FRMD4B: variants seen among roughly 807,000 people sequenced by gnomAD.
FRMD4B encodes FERM domain-containing protein 4B.
FRMD4B carries 74 observed loss-of-function variants against 141.5 expected under a neutral mutation model. The ratio of observed to expected loss-of-function variants is 0.52; its 90% CI spans 0.43 to 0.63. The LOEUF (loss-of-function observed/expected upper bound fraction) is 0.63. Ranked by LOEUF, FRMD4B falls within the 30% of genes least tolerant of loss-of-function variation. FRMD4B has a pLI of 0.00. For synonymous variants in FRMD4B, 506 were observed against 467.9 expected (o/e 1.08, Z -1.05); for missense variants, 1,366 against 1,253.4 (o/e 1.09, Z -1.36).
At chr3:69,483,122 G>A (rs1431495741) in intron 1 of FRMD4B, among the ~76,000 whole-genome samples, 2 of 152,132 alleles carry the variant, frequency 1.3e-5, no homozygotes, top group South Asian at 2.1e-4. Context: ...TAAATTGAAA[G>A]AAAAATATCA....
intron 2 of FRMD4B, 26 bp downstream of exon 2, chr3:69,313,426 G>A (rs1452991780): frequency 6.6e-7 from 1 of 1,524,580 alleles, no homozygotes; most frequent in African/African-American, 1.4e-5. Flanking sequence ...ACTTATCTGG[G>A]CAACACACAT....
At chr3:69,531,666 A>G (rs1457473219) in intron 1 of FRMD4B, among the ~76,000 whole-genome samples, 1 of 152,210 alleles carries the variant, frequency 6.6e-6, no homozygotes, top group African/African-American at 2.4e-5. Flanking sequence ...TTGCTGACAA[A>G]CTGCCAATTT....
chr3:69,246,517 T>C (rs2093426864), intron 7 of FRMD4B, among the ~76,000 whole-genome samples: 2 of 152,176 alleles, frequency 1.3e-5, no homozygotes, highest in South Asian at 2.1e-4. Flanking sequence ...AACAAAACTT[T>C]GGAGGAAAAA....
intron 1 of FRMD4B, among the ~76,000 whole-genome samples, chr3:69,332,072 G>C (rs748291648): frequency 1.3e-5 from 2 of 152,198 alleles, no homozygotes; most frequent in African/African-American, 2.4e-5. Context: ...GGGCGACACA[G>C]CAAGACTCCA....
chr3:69,403,501 A>G (rs72939711), intron 2 of FRMD4B, among the ~76,000 whole-genome samples: 5,459 of 152,274 alleles, frequency 0.036, 332 homozygotes, highest in African/African-American at 0.12. Flanking sequence ...AGTAAGGAAG[A>G]AAGGAACCCT....
At chr3:69,292,997 T>C (rs1700922870) in intron 4 of FRMD4B, 1 of 454,362 alleles carries the variant, frequency 2.2e-6, no homozygotes, top group Non-Finnish European at 4.4e-6. Flanking sequence ...TGTAATTTCT[T>C]GAGAAGAGAA....
chr3:69,409,651 T>C (rs765380116), intron 2 of FRMD4B, among the ~76,000 whole-genome samples: 2 of 152,122 alleles, frequency 1.3e-5, no homozygotes, highest in East Asian at 1.9e-4. Flanking sequence ...CATAAACCAA[T>C]TGGCATGTGA....
intron 2 of FRMD4B, among the ~76,000 whole-genome samples, chr3:69,396,623 C>T (rs1415129883): frequency 6.6e-6 from 1 of 152,060 alleles, no homozygotes; most frequent in African/African-American, 2.4e-5. Context: ...TGAAGAAATG[C>T]AAATCAAAAC....
At chr3:69,213,369 T>TAAAA (rs10717974) in intron 11 of FRMD4B, among the ~76,000 whole-genome samples, 2 of 124,618 alleles carry the variant, frequency 1.6e-5, no homozygotes, top group Non-Finnish European at 3.4e-5. Flanking sequence ...TTACTCTGGG[T>TAAAA]AAAAAAAAAA....
At chr3:69,287,110 C>T (rs764347657) in intron 5 of FRMD4B, among the ~76,000 whole-genome samples, 7 of 152,124 alleles carry the variant, frequency 4.6e-5, no homozygotes, top group Non-Finnish European at 8.8e-5. Flanking sequence ...GCCGTAAAAA[C>T]GTTTATAGCA....
intron 1 of FRMD4B, among the ~76,000 whole-genome samples, chr3:69,363,237 CT>C (rs902190458): frequency 7.7e-6 from 1 of 129,086 alleles, no homozygotes; most frequent in African/African-American, 2.9e-5. Flanking sequence ...AGGATCACTT[CT>C]TTTTACCATG....
chr3:69,376,528 G>A (rs1445491190), intron 1 of FRMD4B, among the ~76,000 whole-genome samples: 1 of 151,650 alleles, frequency 6.6e-6, no homozygotes, highest in Non-Finnish European at 1.5e-5. Context: ...AGCTATTTAA[G>A]CAAAAAGCTT....
In FRMD4B at chr3:69,204,827, C is replaced by A. The variant is rs568912047; in HGVS notation, c.877-6053G>T. 2.0e-5 allele frequency among the ~76,000 whole-genome samples: 3 copies of A among 152,096 alleles called. No individual in the cohort carries two copies. The South Asian group carries it at 6.2e-4, about 31-fold the overall frequency. On this transcript the variant is annotated intron_variant, in intron 11 of 22. Transcript: ENST00000398540. ...AGATGTTGCATCTATTATCTTATGG[C>A]GTCTTCCCAACAACCACATGGGGCA...
chr3:69,352,986 A>G (rs949794991), intron 1 of FRMD4B, among the ~76,000 whole-genome samples: 21 of 152,172 alleles, frequency 1.4e-4, no homozygotes, highest in African/African-American at 5.1e-4. Context: ...TGATGAAACG[A>G]TGAACAATTA....
intron 1 of FRMD4B, among the ~76,000 whole-genome samples, chr3:69,385,025 A>G (rs1375019329): frequency 6.6e-6 from 1 of 152,156 alleles, no homozygotes; most frequent in East Asian, 1.9e-4. Flanking sequence ...CAAATATATT[A>G]ACAACCAAAG....
intron 1 of FRMD4B, chr3:69,334,596 A>G (rs947980869): frequency 2.0e-5 from 3 of 152,238 alleles, no homozygotes; most frequent in Admixed American, 1.3e-4. Flanking sequence ...GAGCACTGTC[A>G]TCTATAGACC....
At chr3:69,305,021 C>T (rs557021302) in intron 3 of FRMD4B, among the ~76,000 whole-genome samples, 1 of 152,116 alleles carries the variant, frequency 6.6e-6, no homozygotes, top group Non-Finnish European at 1.5e-5. Context: ...TGACTCTGTG[C>T]CAACCAAGCT....
chr3:69,256,715 A>T (rs1168946854), intron 5 of FRMD4B, among the ~76,000 whole-genome samples: 6 of 152,186 alleles, frequency 3.9e-5, no homozygotes. Flanking sequence ...TTCCTAAGCC[A>T]TAGAAACATA....
At chr3:69,238,732 C>G (rs1336099208) in intron 7 of FRMD4B, among the ~76,000 whole-genome samples, 1 of 152,284 alleles carries the variant, frequency 6.6e-6, no homozygotes, top group East Asian at 1.9e-4. Flanking sequence ...CTGCAGTGAT[C>G]CATGATCATG....
Sources: gnomAD v4.1 joint callset for allele counts (sites outside exome capture counted in the v4.1 genomes callset) on GRCh38, gnomAD v4.1.1 for gene constraint, MANE v1.5 for transcripts, NCBI Gene and HGNC (gene_info 2026-07-23, HGNC 2026-07-21) for gene names.